Variants in PEX6 observed in about 807,000 individuals in gnomAD.
The protein encoded by PEX6 is peroxisome biogenesis factor 6.
Under a neutral mutation model 85.6 loss-of-function variants are expected in PEX6, and 55 were observed. That is an observed-to-expected ratio of 0.64 (90% CI 0.52 to 0.80). PEX6 has a LOEUF of 0.80. Ranked by LOEUF, PEX6 falls within the 30% of genes least tolerant of loss-of-function variation. PEX6 has a pLI of 0.00. For missense variants in PEX6, 1,099 were observed against 1,260.3 expected (o/e 0.87, Z 1.94); for synonymous variants, 519 against 549.1 (o/e 0.95, Z 0.77).
In PEX6 at chr6:42,974,046, CA is replaced by C; in HGVS notation, c.1086del (p.Ile362MetfsTer4). 1 of 1,614,048 alleles carries C rather than the reference CA, an allele frequency of 6.2e-7. No individual in the cohort carries two copies. Among genetic ancestry groups the C allele is most frequent in the Non-Finnish European group, 8.5e-7 (1 of 1,179,936 alleles). Reference protein sequence around the residue: ...QEGDVLCVPTIGQVEILEGSP... With the variant: ...QEGDVLCVPTXGQVEILEGSP... Reference sequence around the variant, plus strand: ...CTTCCTTCCAGGATCTCTACTTGCCCAATTGTTGGCACACATAGAACATCCC... The same window carrying C: ...CTTCCTTCCAGGATCTCTACTTGCCCATTGTTGGCACACATAGAACATCCC... On this transcript the variant is annotated frameshift_variant, in exon 3 of 17. Transcript: ENST00000304611. LOFTEE classifies it high-confidence loss of function.
rs184012931 is a variant in PEX6, at chr6:42,971,503, G to A, written c.1131-1516C>T. ...GAGCTGTGCTCCAGCCAGCCAGATAGGTGATAGTGGAGCTGGCTCCCATGC... is the reference window on the plus strand; with the variant it reads ...GAGCTGTGCTCCAGCCAGCCAGATAAGTGATAGTGGAGCTGGCTCCCATGC... On this transcript the variant is annotated intron_variant, in intron 3 of 16. Transcript: ENST00000304611. The surrounding 1 kb of genome is among the most constrained non-coding windows in gnomAD (Gnocchi z 4.4). Among the ~76,000 whole-genome samples, 2 of 152,366 alleles carry A rather than the reference G, an allele frequency of 1.3e-5. No individual in the cohort carries two copies.
At chr6:42,969,603 T>C (rs923594266) in intron 5 of PEX6, 65 bp downstream of exon 5, 20 of 1,601,414 alleles carry the variant, frequency 1.2e-5, no homozygotes, top group Admixed American at 3.3e-5. Context: ...CCCATCTGGC[T>C]GCTGCTCCTC....
rs2150240712 is a variant in PEX6 at position 42,979,016 on chromosome 6, C to T, written c.135G>A (p.Glu45=). ...CCAGCAGCGCCGGCCCTGCCGGGCT[C>T]TCCCCTGCAGGCCTCAGGGCCAGCA... ...GLVLALRPAG[E]SPAGPALLVA... The change falls in exon 1 of 17, where the codon GAG becomes GAA. Residue 45 remains glutamate, a synonymous_variant. Transcript: ENST00000304611. 1.3e-6 allele frequency: 2 copies of T among 1,521,016 alleles called. No individual in the cohort carries two copies. Among genetic ancestry groups the T allele is most frequent in the Middle Eastern group, 2.3e-4 (1 of 4,316 alleles). The allele number at this position is 1,521,016 out of a possible 1,614,324, so 94.2% of individuals were successfully genotyped here. A position where few individuals can be genotyped will look rare whatever the true frequency, so the allele number is the denominator to read the frequency against.
rs1406926833 is a variant in PEX6 at position 42,965,166 on chromosome 6, G to C, written c.2589-14C>G. 2.5e-6 allele frequency: 4 copies of C among 1,613,814 alleles called. No individual in the cohort carries two copies. In the African/African-American group the frequency reaches 4.0e-5, roughly 16 times the overall value. ...AGCTTGTCAAATCTTTAGGGAGATA[G>C]GCAGGTATAAGTTTCAGGGAGCCCA... On this transcript the variant is annotated splice_polypyrimidine_tract_variant and intron_variant, in intron 14 of 16. Coordinates refer to ENST00000304611, the MANE Select transcript of PEX6 (RefSeq NM_000287.4). The surrounding 1 kb of genome is among the most constrained non-coding windows in gnomAD (Gnocchi z 5.0).
intron 3 of PEX6, among the ~76,000 whole-genome samples, chr6:42,973,393 G>A (rs1770139003): frequency 6.6e-6 from 1 of 152,092 alleles, no homozygotes; most frequent in South Asian, 2.1e-4. Flanking sequence ...GCAGGGAGTG[G>A]TTCTTTTAGT....
rs567770239 is a variant in PEX6 at position 42,974,151 on chromosome 6, A to G, written c.1047-65T>C. 77 of 1,217,222 alleles carry G rather than the reference A, an allele frequency of 6.3e-5. No homozygotes were observed. In the African/African-American group the frequency reaches 9.0e-4, roughly 14 times the overall value. The allele number at this position is 1,217,222 out of a possible 1,614,324, so 75.4% of individuals were successfully genotyped here. A position where few individuals can be genotyped will look rare whatever the true frequency, so the allele number is the denominator to read the frequency against. On this transcript the variant is annotated intron_variant, in intron 2 of 16. Transcript: ENST00000304611. The stretch of plus-strand genomic sequence containing the variant: ...GTAATGAGCATGTGTTCATTACCAC[A>G]TGTCCACCCCCGACATGCAGACTAC...
At position 42,971,579 on chromosome 6, in the gene PEX6, C is replaced by T. The variant is rs1397967011; in HGVS notation, c.1131-1592G>A. ...CAGGGACAGGATGAAGAGGCTACAC[C>T]AACAGTGGAATTCCTTTCCAGGGCT... On this transcript the variant is annotated intron_variant, in intron 3 of 16. Transcript: ENST00000304611. The surrounding 1 kb of genome is among the most constrained non-coding windows in gnomAD (Gnocchi z 4.4). 6.6e-6 allele frequency among the ~76,000 whole-genome samples: 1 copy of T among 152,216 alleles called. No individual in the cohort carries two copies. Among genetic ancestry groups the T allele is most frequent in the Non-Finnish European group, 1.5e-5 (1 of 68,038 alleles).
rs1429295600 is a variant in PEX6 at position 42,965,529 on chromosome 6, C to T, written c.2471+152G>A. 2 of 883,368 alleles carry T rather than the reference C, an allele frequency of 2.3e-6. No homozygotes were observed. The highest frequency in any genetic ancestry group is 3.9e-6 in the Non-Finnish European group (2 of 519,090). 54.7% of individuals were successfully genotyped at this position (883,368 alleles called of 1,614,324 possible). A position where few individuals can be genotyped will look rare whatever the true frequency, so the allele number is the denominator to read the frequency against. On this transcript the variant is annotated intron_variant, in intron 13 of 16. Coordinates refer to ENST00000304611, the MANE Select transcript of PEX6 (RefSeq NM_000287.4). This position sits in a 1 kb window ranked among gnomAD's most constrained non-coding sequence, Gnocchi z 5.0. ...CCCCCATTCTCCTCAGTGGACCCTG[C>T]CCAATTTCATGGCCCCTTTCAGCTT...
intron 3 of PEX6, among the ~76,000 whole-genome samples, chr6:42,970,973 T>C (rs1158771475): frequency 6.6e-6 from 1 of 152,202 alleles, no homozygotes; most frequent in Admixed American, 6.5e-5. Flanking sequence ...CTAACCCAAT[T>C]TTCCAGATAA....
rs1406727123 is a variant in PEX6 at position 42,979,145 on chromosome 6, C to T, written c.6G>A (p.Ala2=). M[A]LAVLRVLEPF... is the part of the protein sequence containing the mutation. The stretch of plus-strand genomic sequence containing the variant: ...GCTCCAGGACCCGCAAGACAGCCAG[C>T]GCCATGGTGACAGGACACCAACGAG... Residue 2 remains alanine, a synonymous_variant, in exon 1 of 17, where the codon GCG becomes GCA. Coordinates refer to ENST00000304611, the MANE Select transcript of PEX6 (RefSeq NM_000287.4). The T allele has an allele frequency of 6.3e-7, 1 of 1,578,086 alleles. No individual in the cohort carries two copies. Among genetic ancestry groups the T allele is most frequent in the South Asian group, 1.1e-5 (1 of 87,920 alleles).
chr6:42,968,280 G>T lies in PEX6; in HGVS notation c.1688+10C>A. On this transcript the variant is annotated intron_variant, in intron 7 of 16. Coordinates refer to ENST00000304611, the MANE Select transcript of PEX6 (RefSeq NM_000287.4). ...CCCCAGCTTTGAGAGGCCCAGCTCT[G>T]TATAAGTACCTGTTGAGGGGGTCCT... 6.2e-7 allele frequency: 1 copy of T among 1,612,574 alleles called. No homozygotes were observed. The highest frequency in any genetic ancestry group is 1.1e-5 in the South Asian group (1 of 91,058).
intron 1 of PEX6, among the ~76,000 whole-genome samples, chr6:42,975,605 A>G (rs1177718159): frequency 2.0e-5 from 3 of 152,218 alleles, no homozygotes; most frequent in Non-Finnish European, 1.5e-5. Flanking sequence ...AGAACTCTCT[A>G]CAATGGAATA....
intron 1 of PEX6, 42 bp from the exon 2 acceptor site, chr6:42,975,080 G>C (rs1038452344): frequency 3.9e-6 from 6 of 1,532,096 alleles, no homozygotes; most frequent in African/African-American, 1.4e-5. Context: ...TTCTCCTAAG[G>C]GGGCAGGCTC....
chr6:42,967,788 G>C (rs1371842101), intron 7 of PEX6, among the ~76,000 whole-genome samples: 1 of 151,992 alleles, frequency 6.6e-6, no homozygotes, highest in Non-Finnish European at 1.5e-5. Flanking sequence ...AGAAATGCTA[G>C]ACCACAGACT....
At chr6:42,974,138 T>C in intron 2 of PEX6, 52 bp from the exon 3 acceptor site, 2 of 1,380,726 alleles carry the variant, frequency 1.4e-6, no homozygotes, top group Admixed American at 3.4e-5. Context: ...AATGAGCATG[T>C]GTTCATTACC....
chr6:42,976,403 C>T (rs1382345688), intron 1 of PEX6, among the ~76,000 whole-genome samples: 3 of 152,070 alleles, frequency 2.0e-5, no homozygotes, highest in African/African-American at 7.2e-5. Context: ...TGCTCTGTCA[C>T]CCAGGTTGGA....
Position 42,979,036 on chromosome 6 carries a change from C to A in PEX6, c.115G>T (p.Ala39Ser), listed in dbSNP as rs1415433486. Reference protein sequence around the residue: ...WPAAELGLVLALRPAGESPAG... With the variant: ...WPAAELGLVLSLRPAGESPAG... ...GGGCTCTCCCCTGCAGGCCTCAGGGCCAGCACCAGGCCCAGCTCCGCCGCC... is the reference window on the plus strand; with the variant it reads ...GGGCTCTCCCCTGCAGGCCTCAGGGACAGCACCAGGCCCAGCTCCGCCGCC... The change falls in exon 1 of 17, where the codon GCC (alanine) becomes TCC (serine). Residue 39 changes from alanine (A) to serine (S), a missense_variant. This residue lies in a region of PEX6 where 579 missense variants were observed against 611.6 expected (regional missense o/e 0.95). Transcript: ENST00000304611. 5 of 1,532,694 alleles carry A rather than the reference C, an allele frequency of 3.3e-6. No homozygotes were observed. The highest frequency in any genetic ancestry group is 4.4e-6 in the Non-Finnish European group (5 of 1,146,018). 94.9% of individuals were successfully genotyped at this position (1,532,694 alleles called of 1,614,324 possible).
chr6:42,973,871 C>T lies in PEX6; in HGVS notation c.1130+132G>A, dbSNP rs367921925. Reference sequence around the variant, plus strand: ...AGAGCAAGAACCTGTTACACACACACACGCACACACAAAATACATGACAAC... The same window carrying T: ...AGAGCAAGAACCTGTTACACACACATACGCACACACAAAATACATGACAAC... On this transcript the variant is annotated intron_variant, in intron 3 of 16. Transcript: ENST00000304611. 2.7e-5 allele frequency: 19 copies of T among 705,054 alleles called. No homozygotes were observed. In the East Asian group the frequency reaches 4.1e-4, roughly 15 times the overall value. The allele number at this position is 705,054 out of a possible 1,614,324, so 43.7% of individuals were successfully genotyped here. A position where few individuals can be genotyped will look rare whatever the true frequency, so the allele number is the denominator to read the frequency against.
intron 1 of PEX6, among the ~76,000 whole-genome samples, chr6:42,975,333 C>T (rs950238414): frequency 6.6e-6 from 1 of 152,186 alleles, no homozygotes; most frequent in Non-Finnish European, 1.5e-5. Flanking sequence ...CATTTATTCC[C>T]ACAAGACCTA....
Sources: gnomAD v4.1 joint callset for allele counts (sites outside exome capture counted in the v4.1 genomes callset) on GRCh38, gnomAD v4.1.1 for gene constraint, gnomAD v4.1.1 regional missense constraint, Gnocchi (gnomAD v3.1) non-coding constraint, MANE v1.5 for transcripts, NCBI Gene and HGNC (gene_info 2026-07-23, HGNC 2026-07-21) for gene names.